Variants in NSMCE2 observed in about 807,000 individuals in gnomAD.
NSMCE2 encodes the protein E3 SUMO-protein ligase NSE2.
A neutral mutation model predicts 23.8 loss-of-function variants in NSMCE2; 24 were observed. The observed-to-expected ratio is 1.01, with a 90% CI of 0.73 to 1.42. NSMCE2 has a LOEUF of 1.42. Ranked by LOEUF, NSMCE2 falls within the 40% of genes most tolerant of loss-of-function variation. NSMCE2 has a pLI of 0.00. For missense variants in NSMCE2, 284 were observed against 296.5 expected, an observed-to-expected ratio of 0.96 and a Z score of 0.31; for synonymous variants, 92 against 94.1, an observed-to-expected ratio of 0.98 and a Z score of 0.13.
intron 5 of NSMCE2, among the ~76,000 whole-genome samples, chr8:125,294,671 A>G (rs888288068): frequency 6.6e-6 from 1 of 152,226 alleles, no homozygotes; most frequent in Non-Finnish European, 1.5e-5. Context: ...ATAGTTCTTT[A>G]CAAGATGAAT....
At chr8:125,210,843 C>T (rs1824303377) in intron 5 of NSMCE2, among the ~76,000 whole-genome samples, 1 of 152,152 alleles carries the variant, frequency 6.6e-6, no homozygotes, top group African/African-American at 2.4e-5. Flanking sequence ...GCCTCAGCCT[C>T]CCCAGTAGCT....
chr8:125,332,641 A>G (rs1429633983), intron 5 of NSMCE2, among the ~76,000 whole-genome samples: 1 of 152,186 alleles, frequency 6.6e-6, no homozygotes, highest in Non-Finnish European at 1.5e-5. Context: ...GCTAATCCAG[A>G]TATATTACAA....
rs759877101 is a variant in NSMCE2, at chr8:125,366,880, G to A, written c.739G>A (p.Glu247Lys). Reference protein sequence around the residue: ...NHNKKRHRHSE With the variant: ...NHNKKRHRHSK ...TAACAAGAAAAGACATCGTCATTCC[G>A]AGTAGGAAAAGCCACCTGCCTGCAG... The change falls in exon 8 of 8, where the codon GAG becomes AAG. Residue 247 changes from glutamate to lysine, a missense_variant. Physicochemically the swap from Glu to Lys is moderately conservative, Grantham distance 56 (BLOSUM62 1). Transcript: ENST00000287437. 1.1e-5 allele frequency: 18 copies of A among 1,594,582 alleles called. No individual in the cohort carries two copies. The highest frequency in any genetic ancestry group is 2.2e-5 in the South Asian group (2 of 90,686).
intron 5 of NSMCE2, among the ~76,000 whole-genome samples, chr8:125,257,693 C>A (rs1563748024): frequency 6.6e-6 from 1 of 152,150 alleles, no homozygotes; most frequent in Admixed American, 6.5e-5. Context: ...ACCACCATGC[C>A]TGTCGAATTT....
At chr8:125,251,470 C>T (rs1243703403) in intron 5 of NSMCE2, among the ~76,000 whole-genome samples, 2 of 152,056 alleles carry the variant, frequency 1.3e-5, no homozygotes, top group African/African-American at 2.4e-5. Flanking sequence ...GAAGAGGAAA[C>T]TTAGAGTTTA....
At chr8:125,194,677 A>G (rs1249091455) in intron 5 of NSMCE2, among the ~76,000 whole-genome samples, 1 of 152,196 alleles carries the variant, frequency 6.6e-6, no homozygotes, top group Admixed American at 6.5e-5. Flanking sequence ...TGTTTAGCTT[A>G]TAAGAAATGG....
intron 5 of NSMCE2, among the ~76,000 whole-genome samples, chr8:125,317,865 T>G (rs1829271848): frequency 6.6e-6 from 1 of 152,236 alleles, no homozygotes; most frequent in East Asian, 1.9e-4. Context: ...GAATGCCAGT[T>G]AAATTTTTAA....
intron 5 of NSMCE2, among the ~76,000 whole-genome samples, chr8:125,312,365 C>T (rs1316812307): frequency 6.6e-6 from 1 of 152,104 alleles, no homozygotes; most frequent in East Asian, 1.9e-4. Flanking sequence ...GTGGCTCATG[C>T]CTGTAATCTC....
At chr8:125,099,061 A>G (rs1307666546) in intron 1 of NSMCE2, among the ~76,000 whole-genome samples, 2 of 152,152 alleles carry the variant, frequency 1.3e-5, no homozygotes, top group Admixed American at 6.5e-5. Flanking sequence ...TTGAATGGCC[A>G]CTAATGTGCC....
chr8:125,328,148 G>A (rs562600084), intron 5 of NSMCE2, among the ~76,000 whole-genome samples: 19 of 121,480 alleles, frequency 1.6e-4, no homozygotes, highest in African/African-American at 4.4e-4. Flanking sequence ...ACTTCTCACT[G>A]GCCTTTTTTT....
intron 7 of NSMCE2, among the ~76,000 whole-genome samples, chr8:125,364,101 G>A (rs986074416): frequency 4.6e-5 from 7 of 151,900 alleles, no homozygotes; most frequent in Admixed American, 3.3e-4. Context: ...GCGCCACCAC[G>A]CCTGGCTAAT....
intron 3 of NSMCE2, among the ~76,000 whole-genome samples, chr8:125,128,768 GTC>G (rs2130546707): frequency 6.6e-6 from 1 of 152,252 alleles, no homozygotes; most frequent in East Asian, 1.9e-4. Context: ...GGCCCATTGA[GTC>G]TTTCTCATCC....
chr8:125,364,328 G>A (rs543387901), intron 7 of NSMCE2, among the ~76,000 whole-genome samples: 50 of 152,254 alleles, frequency 3.3e-4, no homozygotes, highest in African/African-American at 1.2e-3. Context: ...AAAACTCCTT[G>A]ATCCACAGAT....
intron 5 of NSMCE2, among the ~76,000 whole-genome samples, chr8:125,248,652 CA>C (rs943920076): frequency 1.0e-4 from 15 of 144,144 alleles, no homozygotes; most frequent in Non-Finnish European, 9.2e-5. Context: ...GACTCCATCT[CA>C]AAAAAAAAAA....
chr8:125,201,218 G>A (rs6992378), intron 5 of NSMCE2, among the ~76,000 whole-genome samples: 4,758 of 152,250 alleles, frequency 0.031, 247 homozygotes, highest in African/African-American at 0.11. Context: ...CATTGCTGGC[G>A]AGGAGCTGTG....
chr8:125,203,014 C>G (rs986279601), intron 5 of NSMCE2, among the ~76,000 whole-genome samples: 4 of 152,138 alleles, frequency 2.6e-5, no homozygotes, highest in African/African-American at 9.7e-5. Flanking sequence ...TCACCATGAA[C>G]CTTCCTATGC....
intron 5 of NSMCE2, among the ~76,000 whole-genome samples, chr8:125,218,456 G>A (rs1196015132): frequency 6.7e-6 from 1 of 149,004 alleles, no homozygotes; most frequent in Non-Finnish European, 1.5e-5. Context: ...CTGTCGCTCA[G>A]ACTGGAGTGC....
chr8:125,169,968 C>G (rs766568326), intron 4 of NSMCE2, among the ~76,000 whole-genome samples: 2 of 151,700 alleles, frequency 1.3e-5, no homozygotes, highest in Non-Finnish European at 2.9e-5. Context: ...CTTTCTTACT[C>G]TCCACAGACT....
chr8:125,309,894 A>G (rs1327850030), intron 5 of NSMCE2, among the ~76,000 whole-genome samples: 1 of 152,204 alleles, frequency 6.6e-6, no homozygotes, highest in Non-Finnish European at 1.5e-5. Flanking sequence ...GACTGTCAAA[A>G]CAAGAAGCAC....
Sources: gnomAD v4.1 joint callset for allele counts (sites outside exome capture counted in the v4.1 genomes callset) on GRCh38, gnomAD v4.1.1 for gene constraint, MANE v1.5 for transcripts, NCBI Gene and HGNC (gene_info 2026-07-23, HGNC 2026-07-21) for gene names.